The following PPFIA2 variants were observed in gnomAD, a reference collection of about 807,000 sequenced individuals.
PPFIA2 encodes PPFI scaffold protein A2, also known as liprin-alpha-2.
PPFIA2 carries 46 observed loss-of-function variants against 175.5 expected under a neutral mutation model. The observed-to-expected ratio is 0.26, with a 90% CI of 0.21 to 0.34. The LOEUF (loss-of-function observed/expected upper bound fraction) is 0.34, where lower values mean the gene tolerates loss of function less well. PPFIA2 is among the 10% of genes least tolerant of loss of function. The pLI is 1.00. For missense variants in PPFIA2, 1,179 were observed against 1,506.1 expected, an observed-to-expected ratio of 0.78 and a Z score of 3.60; for synonymous variants, 568 against 511.4, an observed-to-expected ratio of 1.11 and a Z score of -1.49.
chr12:81,689,599 C>T (rs2074970849), intron 3 of PPFIA2, among the ~76,000 whole-genome samples: 1 of 151,762 alleles, frequency 6.6e-6, no homozygotes. Context: ...GATCATAGAA[C>T]ATTCTATAGT....
At chr12:81,528,618 G>A (rs759855094) in intron 4 of PPFIA2, among the ~76,000 whole-genome samples, 27 of 151,898 alleles carry the variant, frequency 1.8e-4, no homozygotes, top group Non-Finnish European at 3.8e-4. Context: ...TTAAGTTCAC[G>A]AATTTATAAA....
At chr12:81,512,314 T>G in intron 4 of PPFIA2, 3 of 1,288,770 alleles carry the variant, frequency 2.3e-6, no homozygotes, top group South Asian at 2.5e-5. Context: ...TGGCTCTCCC[T>G]TCCCATCTCC....
At chr12:81,267,685 T>A (rs915009701) in intron 29 of PPFIA2, among the ~76,000 whole-genome samples, 1 of 151,520 alleles carries the variant, frequency 6.6e-6, no homozygotes, top group African/African-American at 2.4e-5. Flanking sequence ...GGTGGGAGAC[T>A]GGGCCACATA....
Position 81,358,119 on chromosome 12 carries a change from C to G in PPFIA2, c.1736G>C (p.Arg579Thr). ...YRTTKVIRRPRRGRMGVRRDE... is the reference protein window; with the variant it reads ...YRTTKVIRRPTRGRMGVRRDE... ...TCTTCGCACACCCATGCGGCCTCTC[C>G]TTGGTCTTCTTATTACTTTAGTTGT... The change falls in exon 16 of 33, where the codon AGG becomes ACG. Residue 579 changes from arginine to threonine, a missense_variant. Physicochemically the swap from Arg to Thr is moderately conservative, Grantham distance 71 (BLOSUM62 -1). Around this residue, in one of 10 missense-constraint regions of PPFIA2, gnomAD observed 186 missense variants for 163.6 expected, o/e 1.14. Coordinates refer to ENST00000549396, the MANE Select transcript of PPFIA2 (RefSeq NM_003625.5). 1.2e-6 allele frequency: 2 copies of G among 1,604,350 alleles called. No homozygotes were observed. The highest frequency in any genetic ancestry group is 1.7e-6 in the Non-Finnish European group (2 of 1,175,098).
intron 28 of PPFIA2, among the ~76,000 whole-genome samples, chr12:81,271,460 G>C (rs1185036111): frequency 6.6e-6 from 1 of 152,070 alleles, no homozygotes; most frequent in African/African-American, 2.4e-5. Flanking sequence ...GCTAGAGATG[G>C]GGTTTTACCA....
Position 81,281,382 on chromosome 12 carries a change from A to G in PPFIA2, c.3087T>C (p.Leu1029=). ...TGTACTGAGGTAACCCCAAGCTGGG[A>G]AGCCATTCATTTCCAATCCACTCAT... ...MNHEWIGNEW[L]PSLGLPQYRS... Residue 1029 remains leucine, a synonymous_variant, in exon 27 of 33, where the codon CTT becomes CTC. Coordinates refer to ENST00000549396, the MANE Select transcript of PPFIA2 (RefSeq NM_003625.5). The G allele has an allele frequency of 6.2e-7, 1 of 1,611,652 alleles. No homozygotes were observed. The highest frequency in any genetic ancestry group is 8.5e-7 in the Non-Finnish European group (1 of 1,178,048).
At chr12:81,302,078 G>A (rs1304036423) in intron 22 of PPFIA2, 1 of 304,608 alleles carries the variant, frequency 3.3e-6, no homozygotes, top group African/African-American at 2.2e-5. Context: ...ACGTGTAAAT[G>A]TTAAACAAAA....
chr12:81,676,161 G>A (rs2072471916), intron 4 of PPFIA2, among the ~76,000 whole-genome samples: 1 of 152,000 alleles, frequency 6.6e-6, no homozygotes, highest in Non-Finnish European at 1.5e-5. Flanking sequence ...GATATAAGTT[G>A]AATCTGTCTT....
At chr12:81,445,415 A>C in intron 6 of PPFIA2, 141 bp downstream of exon 6, 13 of 727,610 alleles carry the variant, frequency 1.8e-5, no homozygotes. Context: ...TTTCACTTTT[A>C]AAAAATGATT....
intron 5 of PPFIA2, among the ~76,000 whole-genome samples, chr12:81,454,125 G>C (rs1383258068): frequency 6.6e-6 from 1 of 152,014 alleles, no homozygotes; most frequent in Non-Finnish European, 1.5e-5. Flanking sequence ...AGGCTGAGGT[G>C]GGAAGATCAC....
At chr12:81,574,218 A>C (rs143443175) in intron 4 of PPFIA2, among the ~76,000 whole-genome samples, 1 of 151,980 alleles carries the variant, frequency 6.6e-6, no homozygotes, top group East Asian at 1.9e-4. Context: ...ACTCCTTACC[A>C]TCTGTCAATG....
At chr12:81,540,574 C>G (rs1011937541) in intron 4 of PPFIA2, among the ~76,000 whole-genome samples, 4 of 151,948 alleles carry the variant, frequency 2.6e-5, no homozygotes, top group Admixed American at 2.0e-4. Context: ...GAGAATTTAT[C>G]AATTTTAAAT....
chr12:81,586,834 A>C (rs2075367925), intron 4 of PPFIA2, among the ~76,000 whole-genome samples: 1 of 151,926 alleles, frequency 6.6e-6, no homozygotes, highest in African/African-American at 2.4e-5. Context: ...CTCTAAATTT[A>C]AGATAAGCCA....
chr12:81,417,101 T>C (rs1208850685), intron 7 of PPFIA2, among the ~76,000 whole-genome samples: 2 of 151,816 alleles, frequency 1.3e-5, no homozygotes, highest in African/African-American at 4.8e-5. Flanking sequence ...ATCTGCCCTA[T>C]TCTAATCATG....
intron 7 of PPFIA2, among the ~76,000 whole-genome samples, chr12:81,415,351 A>G (rs2045018181): frequency 6.9e-6 from 1 of 144,544 alleles, no homozygotes; most frequent in Admixed American, 7.0e-5. Context: ...TTTATTTTAA[A>G]CTTCCCACCC....
intron 4 of PPFIA2, among the ~76,000 whole-genome samples, chr12:81,510,985 A>AATCT (rs1404653158): frequency 3.3e-5 from 5 of 152,052 alleles, no homozygotes; most frequent in African/African-American, 4.8e-5. Context: ...TCCTTTCCTT[A>AATCT]ATCTTCAAAT....
chr12:81,629,381 C>A (rs1216262755), intron 4 of PPFIA2, among the ~76,000 whole-genome samples: 22 of 151,992 alleles, frequency 1.4e-4, no homozygotes, highest in Admixed American at 1.4e-3. Flanking sequence ...AATAATTAGT[C>A]TTTTTAACAG....
intron 4 of PPFIA2, among the ~76,000 whole-genome samples, chr12:81,554,125 C>T (rs1275028663): frequency 4.6e-5 from 7 of 151,850 alleles, no homozygotes; most frequent in African/African-American, 1.7e-4. Flanking sequence ...TTGAAGGGTG[C>T]TTCAGTAATT....
At chr12:81,625,910 G>A (rs1202210426) in intron 4 of PPFIA2, among the ~76,000 whole-genome samples, 1 of 148,950 alleles carries the variant, frequency 6.7e-6, no homozygotes, top group African/African-American at 2.4e-5. Context: ...ATAGCCTTTG[G>A]TGTTTGTCAA....
Sources: allele counts gnomAD v4.1 joint callset (sites outside exome capture counted in the v4.1 genomes callset), GRCh38; gene constraint gnomAD v4.1.1; regional missense constraint gnomAD v4.1.1; transcripts MANE v1.5; gene names NCBI Gene and HGNC (gene_info 2026-07-23, HGNC 2026-07-21).